Variants in CFAP410 observed in about 807,000 individuals in gnomAD.
CFAP410 encodes the protein cilia and flagella associated protein 410, also known as cilia- and flagella-associated protein 410.
In CFAP410, 27 loss-of-function variants were observed where a neutral mutation model predicts 25.7. The observed-to-expected ratio is 1.05, with a 90% confidence interval of 0.77 to 1.45. The LOEUF (loss-of-function observed/expected upper bound fraction) is 1.45. Ranked by LOEUF, CFAP410 falls within the 40% of genes most tolerant of loss-of-function variation. The pLI is 0.00. For missense variants in CFAP410, 428 were observed against 354.1 expected, an observed-to-expected ratio of 1.21 and a Z score of -1.67; for synonymous variants, 178 against 158.4, an observed-to-expected ratio of 1.12 and a Z score of -0.93.
chr21:44,330,437 G>C, intron 6 of CFAP410, 111 bp from the exon 7 acceptor site: 1 of 1,546,566 alleles, frequency 6.5e-7, no homozygotes, highest in Non-Finnish European at 8.8e-7. Flanking sequence ...CTGGTCCCGG[G>C]GGTGTGGGCC....
chr21:44,332,717 T>TG (rs1194342299), intron 4 of CFAP410: 1 of 389,906 alleles, frequency 2.6e-6, no homozygotes. Context: ...CGCATGGCGA[T>TG]GGTCAGAGCA....
chr21:44,332,108 C>T, intron 4 of CFAP410, 94 bp from the exon 5 acceptor site: 1 of 1,089,656 alleles, frequency 9.2e-7, no homozygotes, highest in Admixed American at 2.7e-5. Flanking sequence ...GCTTCAGGCA[C>T]AGTCTGCTTG....
At chr21:44,334,261 C>G (rs557666495) in intron 3 of CFAP410, 5 of 456,292 alleles carry the variant, frequency 1.1e-5, no homozygotes, top group African/African-American at 2.0e-5. Context: ...ACAGAAATGG[C>G]CCCACACACG....
intron 1 of CFAP410, 101 bp downstream of exon 1, chr21:44,339,017 T>C (rs1418388557): frequency 2.7e-5 from 8 of 291,704 alleles, no homozygotes; most frequent in East Asian, 6.6e-5. Context: ...TCCCTCCGGC[T>C]CCGCCCTCTC....
intron 4 of CFAP410, chr21:44,332,652 C>G (rs897732086): frequency 4.5e-6 from 1 of 221,024 alleles, no homozygotes; most frequent in African/African-American, 2.3e-5. Context: ...CTGCCCAGTC[C>G]CTGTGGACCA....
chr21:44,336,126 G>A (rs1394850448), intron 2 of CFAP410, among the ~76,000 whole-genome samples: 1 of 150,336 alleles, frequency 6.7e-6, no homozygotes, highest in Non-Finnish European at 1.5e-5. Context: ...CAGGGCCTGA[G>A]GGGAGCGGCC....
At position 44,339,359 on chromosome 21, in the gene CFAP410, G is replaced by C. The variant is rs2047826659; in HGVS notation, c.-165C>G. The C allele has an allele frequency of 2.3e-6, 1 of 426,338 alleles. No homozygotes were observed. The allele number at this position is 426,338 out of a possible 1,614,324, so 26.4% of individuals were successfully genotyped here. On this transcript the variant is annotated 5_prime_UTR_variant, in exon 1 of 7. Transcript: ENST00000339818. ...GAGCGGGGCGACGCGAGCCCGCTGGGGCCGCTTGGGCGCCGCTGACACGTT... is the reference window on the plus strand; with the variant it reads ...GAGCGGGGCGACGCGAGCCCGCTGGCGCCGCTTGGGCGCCGCTGACACGTT...
chr21:44,334,135 CCGACCG>C (rs1246803361), intron 3 of CFAP410: 1 of 456,308 alleles, frequency 2.2e-6, no homozygotes, highest in East Asian at 6.9e-5. Flanking sequence ...GCGTGATGTA[CCGACCG>C]CGTCCGCGGC....
At position 44,332,700 on chromosome 21, in the gene CFAP410, G is replaced by A. The variant is rs188447507; in HGVS notation, c.373+333C>T. The A allele has an allele frequency of 1.5e-3, 504 of 337,042 alleles. 2 individuals carry two copies. Among genetic ancestry groups the A allele is most frequent in the African/African-American group, 9.4e-3 (460 of 48,718 alleles). 20.9% of individuals were successfully genotyped at this position (337,042 alleles called of 1,614,324 possible). ...TTGCCAGATACTGACGCCCCCGCTC[G>A]CCATGGCGCATGGCGATGGTCAGAG... On this transcript the variant is annotated intron_variant, in intron 4 of 6. Transcript: ENST00000339818.
Position 44,334,517 on chromosome 21 carries a change from A to ACCCCCCCTCAACCTCTGGGCGGGCACGCG in CFAP410, c.143+1240_143+1241insCGCGTGCCCGCCCAGAGGTTGAGGGGGGG. ...CCTCAACCTCTGGGCGGGCACGCGC[A>ACCCCCCCTCAACCTCTGGGCGGGCACGCG]CCCCCCCCCCCCCCCCGCTCAACCT... On this transcript the variant is annotated intron_variant, in intron 3 of 6. Coordinates refer to ENST00000339818, the MANE Select transcript of CFAP410 (RefSeq NM_004928.3). 54 of 72,240 alleles carry ACCCCCCCTCAACCTCTGGGCGGGCACGCG rather than the reference A, an allele frequency of 7.5e-4. 21 individuals carry two copies. Among genetic ancestry groups the ACCCCCCCTCAACCTCTGGGCGGGCACGCG allele is most frequent in the Non-Finnish European group, 1.2e-3 (37 of 30,374 alleles). The allele number at this position is 72,240 out of a possible 1,614,324, so 4.5% of individuals were successfully genotyped here. A position where few individuals can be genotyped will look rare whatever the true frequency, so the allele number is the denominator to read the frequency against.
At chr21:44,338,196 A>G (rs1238570452) in intron 1 of CFAP410, 5 of 1,022,388 alleles carry the variant, frequency 4.9e-6, no homozygotes, top group Non-Finnish European at 5.1e-6. Flanking sequence ...ATGCCAGGGC[A>G]GAGAGAAAAG....
intron 4 of CFAP410, 134 bp from the exon 5 acceptor site, chr21:44,332,148 G>A: frequency 1.5e-6 from 1 of 679,006 alleles, no homozygotes; most frequent in Non-Finnish European, 2.4e-6. Context: ...TCCACCTCCA[G>A]GGACAACTCC....
intron 2 of CFAP410, 62 bp from the exon 3 acceptor site, chr21:44,335,866 A>C (rs1211870666): frequency 7.8e-7 from 1 of 1,287,816 alleles, no homozygotes; most frequent in Non-Finnish European, 1.1e-6. Context: ...CCGCACTGCC[A>C]TCAGCCACAG....
chr21:44,336,473 G>A (rs955496143), intron 2 of CFAP410, among the ~76,000 whole-genome samples: 14 of 152,156 alleles, frequency 9.2e-5, no homozygotes, highest in African/African-American at 2.7e-4. Flanking sequence ...CTGGATCTCA[G>A]ATCACATTGG....
In CFAP410 at chr21:44,331,730, CCT is replaced by C. The variant is rs112370650; in HGVS notation, c.545+111_545+112del. On this transcript the variant is annotated intron_variant, in intron 5 of 6. Coordinates refer to ENST00000339818, the MANE Select transcript of CFAP410 (RefSeq NM_004928.3). The stretch of plus-strand genomic sequence containing the variant: ...GAACAGACACTCCCCCCGGATAATC[CCT>C]GTCCCTCACTTCCCAGAGACGCAGC... The C allele has an allele frequency of 4.0e-3, 3,982 of 995,066 alleles. 116 individuals carry two copies. The African/African-American group carries it at 0.057, about 14-fold the overall frequency. The allele number at this position is 995,066 out of a possible 1,614,324, so 61.6% of individuals were successfully genotyped here.
intron 1 of CFAP410, chr21:44,338,713 C>G (rs1264130922): frequency 1.4e-5 from 2 of 146,568 alleles, no homozygotes; most frequent in Admixed American, 1.4e-4. Flanking sequence ...CTCCCTCACC[C>G]GCGGCTCCTT....
At chr21:44,331,280 CAG>C (rs1187473639) in intron 5 of CFAP410, 1 of 354,238 alleles carries the variant, frequency 2.8e-6, no homozygotes, top group Non-Finnish European at 5.2e-6. Flanking sequence ...AGATGCCTAA[CAG>C]AGATCACATC....
chr21:44,329,649 A>G lies in CFAP410; in HGVS notation c.*549T>C, dbSNP rs2047603963. 1 of 152,708 alleles carries G rather than the reference A, an allele frequency of 6.5e-6. No individual in the cohort carries two copies. Among genetic ancestry groups the G allele is most frequent in the African/African-American group, 2.4e-5 (1 of 41,456 alleles). 9.5% of individuals were successfully genotyped at this position (152,708 alleles called of 1,614,324 possible). A position where few individuals can be genotyped will look rare whatever the true frequency, so the allele number is the denominator to read the frequency against. ...GGCGCACCTGCCCAGCCCGGCCAAG[A>G]AAACAAAACTCTCTCCCATGGGTGC... On this transcript the variant is annotated 3_prime_UTR_variant, in exon 7 of 7. Transcript: ENST00000339818.
intron 2 of CFAP410, 90 bp downstream of exon 2, chr21:44,337,559 A>G (rs1602089852): frequency 1.6e-6 from 2 of 1,247,426 alleles, no homozygotes; most frequent in African/African-American, 1.5e-5. Context: ...GTCAACTTAA[A>G]AATTCTCTTG....
Sources: allele counts gnomAD v4.1 joint callset (sites outside exome capture counted in the v4.1 genomes callset), GRCh38; gene constraint gnomAD v4.1.1; transcripts MANE v1.5; gene names NCBI Gene and HGNC (gene_info 2026-07-23, HGNC 2026-07-21).